The following MSH6 variants were observed in gnomAD, a reference collection of about 807,000 sequenced individuals.
The protein encoded by MSH6 is DNA mismatch repair protein Msh6.
A neutral mutation model predicts 119.1 loss-of-function variants in MSH6; 85 were observed. That is an observed-to-expected ratio of 0.71 (90% CI 0.60 to 0.85). The LOEUF is 0.85. MSH6 is among the 40% of genes least tolerant of loss of function. MSH6 has a pLI of 0.00. For missense variants in MSH6, 2,163 were observed against 1,655.3 expected (o/e 1.31, Z -5.32); for synonymous variants, 830 against 586.9 (o/e 1.41, Z -5.99).
rs774560892 is a variant in MSH6 at position 47,801,024 on chromosome 2, A to G, written c.3041A>G (p.Lys1014Arg). 1 of 1,577,632 alleles carries G rather than the reference A, an allele frequency of 6.3e-7. No homozygotes were observed. The highest frequency in any genetic ancestry group is 1.8e-5 in the Admixed American group (1 of 54,102). ...TACTGGACCAAAACTATTGAAAAGA[A>G]GTTGGCTAATCTCATAAATGCTGAA... ...KRYWTKTIEK[K>R]LANLINAEER... The change falls in exon 4 of 10, where the codon AAG (lysine) becomes AGG (arginine). Residue 1014 changes from lysine (K) to arginine (R), a missense_variant. By Grantham distance (26) the Lys-to-Arg change is conservative (BLOSUM62 2). Coordinates refer to ENST00000234420, the MANE Select transcript of MSH6 (RefSeq NM_000179.3).
rs754675891 is a variant in MSH6 at position 47,800,466 on chromosome 2, T to C, written c.2483T>C (p.Val828Ala). ...LERLLSKIHNVGSPLKSQNHP... is the reference protein window; with the variant it reads ...LERLLSKIHNAGSPLKSQNHP... ...AGGCTACTCAGTAAAATTCATAATG[T>C]TGGGTCTCCCCTGAAGAGTCAGAAC... Residue 828 changes from valine (V) to alanine (A), a missense_variant, in exon 4 of 10, where the codon GTT becomes GCT. Coordinates refer to ENST00000234420, the MANE Select transcript of MSH6 (RefSeq NM_000179.3). The C allele has an allele frequency of 6.2e-7, 1 of 1,613,776 alleles. No homozygotes were observed. Among genetic ancestry groups the C allele is most frequent in the East Asian group, 2.2e-5 (1 of 44,878 alleles).
chr2:47,801,514 T>C (rs980737765), intron 4 of MSH6, among the ~76,000 whole-genome samples: 1 of 151,790 alleles, frequency 6.6e-6, no homozygotes, highest in Non-Finnish European at 1.5e-5. Context: ...ATTACAGATA[T>C]GCACCACCAT....
intron 1 of MSH6, chr2:47,783,887 C>A: frequency 2.1e-6 from 2 of 953,440 alleles, no homozygotes; most frequent in Non-Finnish European, 2.4e-6. Flanking sequence ...GCGCCCGGCC[C>A]ACTTGGTGGG....
chr2:47,786,634 G>T (rs575149113), intron 1 of MSH6, among the ~76,000 whole-genome samples: 1 of 151,958 alleles, frequency 6.6e-6, no homozygotes, highest in Non-Finnish European at 1.5e-5. Flanking sequence ...GCACCTGGCC[G>T]TGAGCCACCG....
At position 47,783,375 on chromosome 2, in the gene MSH6, G is replaced by A. The variant is rs1572698169; in HGVS notation, c.142G>A (p.Ala48Thr). 2 of 1,594,848 alleles carry A rather than the reference G, an allele frequency of 1.3e-6. No homozygotes were observed. Among genetic ancestry groups the A allele is most frequent in the South Asian group, 1.1e-5 (1 of 89,326 alleles). The change falls in exon 1 of 10, where the codon GCG becomes ACG. Residue 48 changes from alanine to threonine, a missense_variant. Physicochemically the swap from Ala to Thr is moderately conservative, Grantham distance 58. Transcript: ENST00000234420. Reference protein sequence around the residue: ...PGASPSPGGDAAWSEAGPGPR... With the variant: ...PGASPSPGGDTAWSEAGPGPR... The stretch of plus-strand genomic sequence containing the variant: ...GGCCTCTCCTTCCCCAGGCGGGGAT[G>A]CGGCCTGGAGCGAGGCTGGGCCTGG...
chr2:47,806,640 A>C lies in MSH6; in HGVS notation c.3990A>C (p.Leu1330=), dbSNP rs1558394684. 1 of 1,610,262 alleles carries C rather than the reference A, an allele frequency of 6.2e-7. No individual in the cohort carries two copies. Among genetic ancestry groups the C allele is most frequent in the Non-Finnish European group, 8.5e-7 (1 of 1,178,996 alleles). ...AATTTGAGAAGATGAATCAGTCACT[A>C]CGATTATTTCGGTAACTAACTAACT... ...AREFEKMNQS[L]RLFREVCLAS... is the part of the protein sequence containing the mutation. Residue 1330 remains leucine (L), a synonymous_variant, in exon 9 of 10, where the codon CTA becomes CTC. Coordinates refer to ENST00000234420, the MANE Select transcript of MSH6 (RefSeq NM_000179.3).
At chr2:47,797,102 T>G (rs1669143175) in intron 3 of MSH6, among the ~76,000 whole-genome samples, 1 of 152,142 alleles carries the variant, frequency 6.6e-6, no homozygotes, top group Non-Finnish European at 1.5e-5. Context: ...CTTAAAACAT[T>G]TTGTGATTTG....
chr2:47,789,269 G>T, intron 1 of MSH6: 2 of 318,246 alleles, frequency 6.3e-6, no homozygotes, highest in South Asian at 2.8e-5. Context: ...GTCAGATTCT[G>T]TAAGTGTAAT....
At chr2:47,807,958 C>CT (rs1328780717), downstream of MSH6, 3 of 664,444 alleles carry the variant, frequency 4.5e-6, no homozygotes, top group Non-Finnish European at 7.6e-6. Context: ...TTGCCACTTT[C>CT]TTTTTGGTAG....
At chr2:47,787,380 A>G (rs962922076) in intron 1 of MSH6, among the ~76,000 whole-genome samples, 5 of 152,252 alleles carry the variant, frequency 3.3e-5, no homozygotes, top group Admixed American at 2.0e-4. Flanking sequence ...CTAAAGAGAA[A>G]GCAAAAATAA....
At chr2:47,789,188 T>C in intron 1 of MSH6, 1 of 235,770 alleles carries the variant, frequency 4.2e-6, no homozygotes, top group Non-Finnish European at 9.0e-6. Context: ...CCTCCCAAAG[T>C]GCTGGGATTA....
In MSH6 at chr2:47,801,223, C is replaced by T. The variant is rs766165241; in HGVS notation, c.3172+68C>T. 3 of 1,519,954 alleles carry T rather than the reference C, an allele frequency of 2.0e-6. No homozygotes were observed. In the African/African-American group the frequency reaches 4.1e-5, roughly 21 times the overall value. 94.2% of individuals were successfully genotyped at this position (1,519,954 alleles called of 1,614,324 possible). Reference sequence around the variant, plus strand: ...TGCTGTTTGCCAGCTGTATATTATCCCTAAAAATAAGTAATAAGGTATATA... The same window carrying T: ...TGCTGTTTGCCAGCTGTATATTATCTCTAAAAATAAGTAATAAGGTATATA... On this transcript the variant is annotated intron_variant, in intron 4 of 9. Transcript: ENST00000234420.
Position 47,806,771 on chromosome 2 carries a change from A to C in MSH6, c.4002-8A>C, listed in dbSNP as rs778957100. 23 of 1,514,472 alleles carry C rather than the reference A, an allele frequency of 1.5e-5. No individual in the cohort carries two copies. In the East Asian group the frequency reaches 5.3e-4, roughly 35 times the overall value. 93.8% of individuals were successfully genotyped at this position (1,514,472 alleles called of 1,614,324 possible). A position where few individuals can be genotyped will look rare whatever the true frequency, so the allele number is the denominator to read the frequency against. ...AAAAACTTTTTTTTTTTTTTTTTTA[A>C]TTTTAAGGGAAGTTTGCCTGGCTAG... On this transcript the variant is annotated splice_region_variant and splice_polypyrimidine_tract_variant and intron_variant, in intron 9 of 9. Transcript: ENST00000234420.
intron 1 of MSH6, among the ~76,000 whole-genome samples, chr2:47,789,046 C>T (rs1275958846): frequency 1.3e-5 from 2 of 149,060 alleles, no homozygotes; most frequent in African/African-American, 2.5e-5. Flanking sequence ...CTGCTTCAGG[C>T]TCCCAAGTAG....
chr2:47,788,927 T>TTTTGTTTTTGTTTTTTTTTTTTG (rs1668547973), intron 1 of MSH6, among the ~76,000 whole-genome samples: 1 of 82,100 alleles, frequency 1.2e-5, no homozygotes, highest in African/African-American at 6.1e-5. Flanking sequence ...TTTTTGTTTT[T>TTTTGTTTTTGTTTTTTTTTTTTG]TTTTTTTTTT....
intron 2 of MSH6, among the ~76,000 whole-genome samples, chr2:47,795,288 T>G (rs1669002355): frequency 6.6e-6 from 1 of 152,084 alleles, no homozygotes; most frequent in Non-Finnish European, 1.5e-5. Context: ...CCCTGAATAT[T>G]TATTCCTTTT....
downstream of MSH6, chr2:47,807,814 C>T (rs1670328631): frequency 3.4e-6 from 1 of 290,568 alleles, no homozygotes; most frequent in Admixed American, 4.7e-5. Context: ...GCATTCAATG[C>T]TAGTTGTAAA....
Position 47,800,764 on chromosome 2 carries a change from T to A in MSH6, c.2781T>A (p.Ile927=), listed in dbSNP as rs771575217. ...AAAAGGCTCGAAAGACTGGACTTATTACTCCCAAAGCAGGCTTTGACTCTG... is the reference window on the plus strand; with the variant it reads ...AAAAGGCTCGAAAGACTGGACTTATAACTCCCAAAGCAGGCTTTGACTCTG... ...DHEKARKTGL[I]TPKAGFDSDY... The change falls in exon 4 of 10, where the codon ATT becomes ATA. Residue 927 remains isoleucine (I), a synonymous_variant. Coordinates refer to ENST00000234420, the MANE Select transcript of MSH6 (RefSeq NM_000179.3). 6 of 1,614,192 alleles carry A rather than the reference T, an allele frequency of 3.7e-6. No homozygotes were observed. In the South Asian group the frequency reaches 4.4e-5, roughly 12 times the overall value.
intron 1 of MSH6, 171 bp downstream of exon 1, chr2:47,783,664 A>C: frequency 1.6e-6 from 1 of 626,620 alleles, no homozygotes; most frequent in Non-Finnish European, 2.5e-6. Context: ...AGTCTGGAGC[A>C]TTTGGGGGTG....
Sources: gnomAD v4.1 joint callset for allele counts (sites outside exome capture counted in the v4.1 genomes callset) on GRCh38, gnomAD v4.1.1 for gene constraint, MANE v1.5 for transcripts, NCBI Gene and HGNC (gene_info 2026-07-23, HGNC 2026-07-21) for gene names.